ZNF469: variants seen among roughly 807,000 people sequenced by gnomAD.
ZNF469 encodes zinc finger protein 469.
Under a neutral mutation model 1.0 loss-of-function variants are expected in ZNF469, and 1 was observed. That is an observed-to-expected ratio of 1.00 (90% CI 0.35 to 4.73). The LOEUF is 4.73. Ranked by LOEUF, ZNF469 falls within the 30% of genes most tolerant of loss-of-function variation. ZNF469 has a pLI of 0.16. For missense variants in ZNF469, 6,100 were observed against 5,356.3 expected, an observed-to-expected ratio of 1.14 and a Z score of -4.33; for synonymous variants, 2,703 against 2,363.4, an observed-to-expected ratio of 1.14 and a Z score of -4.17.
chr16:88,120,461 ACCTCGG>A, the ZNF469 span, among the ~76,000 whole-genome samples: 1 of 152,228 alleles, frequency 6.6e-6, no homozygotes, highest in African/African-American at 2.4e-5. Flanking sequence ...GGCGCGCCCC[ACCTCGG>A]AGAACACAGG....
intron 1 of ZNF469, among the ~76,000 whole-genome samples, chr16:88,406,677 C>T (rs575860094): frequency 6.6e-6 from 1 of 152,316 alleles, no homozygotes; most frequent in East Asian, 1.9e-4. Flanking sequence ...AGAGTCCTCT[C>T]CCTGTGTGCA....
chr16:88,227,987 C>T, the ZNF469 span, among the ~76,000 whole-genome samples: 24 of 152,180 alleles, frequency 1.6e-4, no homozygotes, highest in African/African-American at 4.6e-4. Flanking sequence ...AGCCAGGCTC[C>T]GCATCCATCG....
intron 1 of ZNF469, among the ~76,000 whole-genome samples, chr16:88,418,757 C>G (rs139369997): frequency 6.6e-6 from 1 of 152,220 alleles, no homozygotes; most frequent in Non-Finnish European, 1.5e-5. Flanking sequence ...CTTAAACTTA[C>G]CCTCCGGGCC....
At chr16:88,201,610 G>T in the ZNF469 span, among the ~76,000 whole-genome samples, 5 of 152,264 alleles carry the variant, frequency 3.3e-5, no homozygotes, top group Admixed American at 2.6e-4. This position sits in a 1 kb window ranked among gnomAD's most constrained non-coding sequence, Gnocchi z 5.0. Context: ...CACTCTCAAT[G>T]TGGAGGCTGG....
the ZNF469 span, among the ~76,000 whole-genome samples, chr16:88,318,235 C>T: frequency 2.9e-3 from 439 of 152,322 alleles, 3 homozygotes; most frequent in African/African-American, 9.9e-3. Context: ...CATGGAGCTG[C>T]GGCTGTGGCT....
At chr16:88,239,701 ATATATATATATATATTTTTTTT>A in the ZNF469 span, among the ~76,000 whole-genome samples, 2 of 8,668 alleles carry the variant, frequency 2.3e-4, no homozygotes, top group Non-Finnish European at 3.4e-4. Context: ...ATATATATAT[ATATATATATATATATTTTTTTT>A]TTTTTTTTTT....
At chr16:88,406,261 T>C (rs531392086) in intron 1 of ZNF469, among the ~76,000 whole-genome samples, 1 of 152,310 alleles carries the variant, frequency 6.6e-6, no homozygotes, top group African/African-American at 2.4e-5. Context: ...TGGCCGTGTA[T>C]GTGTGCACGT....
At chr16:88,270,010 G>C in the ZNF469 span, among the ~76,000 whole-genome samples, 1 of 152,188 alleles carries the variant, frequency 6.6e-6, no homozygotes, top group African/African-American at 2.4e-5. Context: ...TGCATTTCTA[G>C]GTGGTTGTGA....
the ZNF469 span, among the ~76,000 whole-genome samples, chr16:88,112,003 G>T: frequency 2.6e-5 from 4 of 152,162 alleles, no homozygotes; most frequent in African/African-American, 9.7e-5. Context: ...CATCCGCGTT[G>T]TTCCAATGAC....
At chr16:88,331,566 TCAC>T in the ZNF469 span, among the ~76,000 whole-genome samples, 1,168 of 146,006 alleles carry the variant, frequency 8.0e-3, 25 homozygotes, top group Admixed American at 0.04. Flanking sequence ...GTCATCACCA[TCAC>T]CACCACCACC....
chr16:88,380,672 C>G (rs1370139156), upstream of ZNF469, among the ~76,000 whole-genome samples: 3 of 142,270 alleles, frequency 2.1e-5, no homozygotes, highest in Non-Finnish European at 4.6e-5. Flanking sequence ...CGCCCTCACA[C>G]AAGACATGCA....
the ZNF469 span, among the ~76,000 whole-genome samples, chr16:88,113,216 A>G: frequency 6.6e-6 from 1 of 152,092 alleles, no homozygotes; most frequent in Non-Finnish European, 1.5e-5. Context: ...TTCTTGTAGT[A>G]GTTTCATCAT....
At chr16:88,399,958 C>T (rs149693193) in intron 1 of ZNF469, among the ~76,000 whole-genome samples, 167 of 152,326 alleles carry the variant, frequency 1.1e-3, no homozygotes, top group African/African-American at 3.7e-3. Context: ...GGATCCCACG[C>T]GGGTCACTCC....
the ZNF469 span, among the ~76,000 whole-genome samples, chr16:88,228,149 C>T: frequency 6.6e-6 from 1 of 152,256 alleles, no homozygotes; most frequent in Non-Finnish European, 1.5e-5. Flanking sequence ...ATAAACCCAT[C>T]TTCTGAGGTT....
At chr16:88,381,987 G>A (rs544744501), upstream of ZNF469, among the ~76,000 whole-genome samples, 1 of 152,262 alleles carries the variant, frequency 6.6e-6, no homozygotes, top group East Asian at 1.9e-4. Flanking sequence ...AGTAAAGCGT[G>A]CTTGACCTGC....
intron 1 of ZNF469, among the ~76,000 whole-genome samples, chr16:88,409,645 G>A (rs1055736915): frequency 5.3e-5 from 8 of 152,216 alleles, no homozygotes; most frequent in South Asian, 2.1e-4. Flanking sequence ...CTATATGAGC[G>A]TGTGCACTCA....
the ZNF469 span, among the ~76,000 whole-genome samples, chr16:88,374,766 C>T: frequency 0.011 from 1,687 of 152,032 alleles, 29 homozygotes; most frequent in African/African-American, 0.038. Context: ...CTGAGATCGG[C>T]GCCGTATGCC....
At chr16:88,196,145 G>C in the ZNF469 span, among the ~76,000 whole-genome samples, 1 of 152,242 alleles carries the variant, frequency 6.6e-6, no homozygotes, top group Admixed American at 6.5e-5. Flanking sequence ...CTGAGGCCTA[G>C]AGAGAGGCAT....
chr16:88,332,401 G>T, the ZNF469 span, among the ~76,000 whole-genome samples: 5 of 152,222 alleles, frequency 3.3e-5, no homozygotes, highest in Middle Eastern at 3.2e-3. Flanking sequence ...CCGTCACCGC[G>T]TGCCCTGCCC....
Sources: gnomAD v4.1 joint callset for allele counts (sites outside exome capture counted in the v4.1 genomes callset) on GRCh38, gnomAD v4.1.1 for gene constraint, Gnocchi (gnomAD v3.1) non-coding constraint, MANE v1.5 for transcripts, NCBI Gene and HGNC (gene_info 2026-07-23, HGNC 2026-07-21) for gene names.